Variants in POLA1 observed in about 807,000 individuals in gnomAD.
The protein encoded by POLA1 is DNA polymerase alpha 1, catalytic subunit.
In POLA1, 15 loss-of-function variants were observed where a neutral mutation model predicts 124.0. The ratio of observed to expected loss-of-function variants is 0.12; its 90% CI spans 0.08 to 0.19. POLA1 has a LOEUF of 0.19. POLA1 is among the 10% of genes least tolerant of loss of function. The pLI is 1.00. For synonymous variants in POLA1, 408 were observed against 389.4 expected (o/e 1.05, Z -0.56); for missense variants, 886 against 1,103.4 (o/e 0.80, Z 2.79).
intron 34 of POLA1, among the ~76,000 whole-genome samples, chrX:24,882,684 G>GGTGTGTGTGTGTGT (rs57530564): frequency 5.7e-5 from 5 of 87,610 alleles, no homozygotes; most frequent in East Asian, 3.8e-4. Context: ...TATATTCCAT[G>GGTGTGTGTGTGTGT]GTGTGTGTGT....
chrX:24,708,800 CG>C (rs1446153863), intron 4 of POLA1, among the ~76,000 whole-genome samples: 2 of 65,716 alleles, frequency 3.0e-5, no homozygotes, highest in African/African-American at 1.1e-4. Context: ...TACACAGACA[CG>C]GCAACCATCC....
intron 33 of POLA1, among the ~76,000 whole-genome samples, chrX:24,842,782 C>T (rs1416878215): frequency 4.5e-5 from 5 of 111,425 alleles, no homozygotes; most frequent in South Asian, 3.8e-4. Context: ...AATTGCTTAG[C>T]GTGGCGGGTA....
At chrX:24,963,261 A>C (rs1450705084) in intron 36 of POLA1, among the ~76,000 whole-genome samples, 3 of 112,046 alleles carry the variant, frequency 2.7e-5, no homozygotes, top group Non-Finnish European at 5.6e-5. Context: ...TAATATGCCA[A>C]GAAACTCAAT....
At chrX:24,842,496 A>C (rs1013442903) in intron 33 of POLA1, among the ~76,000 whole-genome samples, 2 of 112,509 alleles carry the variant, frequency 1.8e-5, no homozygotes, top group African/African-American at 6.5e-5. Flanking sequence ...CTTGAAACTG[A>C]AAGAAAAGAC....
intron 32 of POLA1, among the ~76,000 whole-genome samples, chrX:24,837,572 T>G (rs1205978734): frequency 8.9e-6 from 1 of 112,260 alleles, no homozygotes; most frequent in African/African-American, 3.2e-5. Flanking sequence ...TCTGTGGATA[T>G]AGCATTCACC....
At chrX:24,962,998 A>G (rs1195711026) in intron 36 of POLA1, among the ~76,000 whole-genome samples, 1 of 111,712 alleles carries the variant, frequency 9.0e-6, no homozygotes, top group Admixed American at 9.6e-5. Flanking sequence ...CTCTTAGATT[A>G]AATAATAGTA....
chrX:24,753,254 C>T (rs7887549), intron 26 of POLA1, among the ~76,000 whole-genome samples: 4,626 of 110,446 alleles, frequency 0.042, 244 homozygotes, highest in African/African-American at 0.14. Flanking sequence ...TCCTGACCTC[C>T]GGATCCACCT....
intron 35 of POLA1, among the ~76,000 whole-genome samples, chrX:24,894,965 G>A (rs890473347): frequency 2.7e-5 from 3 of 109,646 alleles, no homozygotes; most frequent in Non-Finnish European, 5.7e-5. Flanking sequence ...GTAGAAACTG[G>A]GCTTTGCCAT....
At position 24,984,861 on chromosome X, in the gene POLA1, T is replaced by C. The variant is rs755320182; in HGVS notation, c.4262-10944T>C. Among the ~76,000 whole-genome samples the C allele has an allele frequency of 3.4e-3, 372 of 109,720 alleles. 1 individual carries two copies. Among genetic ancestry groups the C allele is most frequent in the African/African-American group, 0.011 (336 of 30,104 alleles). ...ATTTTTAGTAGAGACGGGGTTTCACTGTGTTAGCCAGGATGGTCTCGATCT... is the reference window on the plus strand; with the variant it reads ...ATTTTTAGTAGAGACGGGGTTTCACCGTGTTAGCCAGGATGGTCTCGATCT... On this transcript the variant is annotated intron_variant, in intron 36 of 36. Transcript: ENST00000379068.
At chrX:24,815,866 A>G (rs189615093) in intron 30 of POLA1, among the ~76,000 whole-genome samples, 6 of 112,036 alleles carry the variant, frequency 5.4e-5, no homozygotes, top group Admixed American at 9.5e-5. Flanking sequence ...AATGCTTGTC[A>G]TTTTTGCACA....
chrX:24,789,408 A>G (rs2045448711), intron 26 of POLA1, among the ~76,000 whole-genome samples: 1 of 112,060 alleles, frequency 8.9e-6, no homozygotes, highest in Non-Finnish European at 1.9e-5. Flanking sequence ...CTCATTGGCA[A>G]TAGCATAAAA....
intron 23 of POLA1, 76 bp from the exon 24 acceptor site, chrX:24,745,342 A>C: frequency 1.4e-6 from 1 of 717,376 alleles, no homozygotes; most frequent in East Asian, 3.2e-5. Flanking sequence ...TAATATACTT[A>C]CAGTGCTTTT....
chrX:24,738,557 T>C (rs1931445200), intron 19 of POLA1, among the ~76,000 whole-genome samples: 1 of 112,076 alleles, frequency 8.9e-6, no homozygotes, highest in South Asian at 3.7e-4. Context: ...CAGTTTTATT[T>C]TATAGACAGT....
At chrX:24,798,331 T>A (rs948861710) in intron 26 of POLA1, among the ~76,000 whole-genome samples, 1 of 110,965 alleles carries the variant, frequency 9.0e-6, no homozygotes, top group African/African-American at 3.3e-5. Context: ...GAGTTTGAAC[T>A]GTGTGAGTCC....
At chrX:24,703,935 G>A (rs1928632318) in intron 3 of POLA1, among the ~76,000 whole-genome samples, 1 of 112,014 alleles carries the variant, frequency 8.9e-6, no homozygotes, top group African/African-American at 3.2e-5. Context: ...TCATGGCCAT[G>A]TGAATGCTGA....
chrX:24,929,058 G>C lies in POLA1; in HGVS notation c.4165-1395G>C, dbSNP rs1413758510. ...AGAAGTATAAAATACACTAAATTTA[G>C]TAACACATTTTATAAGGGAATGAGC... On this transcript the variant is annotated intron_variant, in intron 35 of 36. Transcript: ENST00000379068. 2.7e-5 allele frequency among the ~76,000 whole-genome samples: 3 copies of C among 111,604 alleles called. No homozygotes were observed. The Admixed American group carries it at 2.9e-4, about 11-fold the overall frequency.
intron 26 of POLA1, among the ~76,000 whole-genome samples, chrX:24,779,407 G>T (rs558677552): frequency 9.8e-5 from 11 of 112,346 alleles, no homozygotes; most frequent in African/African-American, 3.6e-4. Flanking sequence ...TGAGGTCCAT[G>T]TGTGAGTTCC....
chrX:24,805,307 T>C (rs2148488419), intron 26 of POLA1, among the ~76,000 whole-genome samples: 1 of 111,636 alleles, frequency 9.0e-6, no homozygotes, highest in East Asian at 2.8e-4. Flanking sequence ...AATATCGGCG[T>C]GAAGGGCTCT....
intron 35 of POLA1, among the ~76,000 whole-genome samples, chrX:24,890,289 T>C (rs1466696082): frequency 3.6e-5 from 4 of 110,684 alleles, no homozygotes; most frequent in Non-Finnish European, 5.7e-5. Flanking sequence ...GGTTTCACCA[T>C]GTTGGCCAGA....
Sources: allele counts gnomAD v4.1 joint callset (sites outside exome capture counted in the v4.1 genomes callset), GRCh38; gene constraint gnomAD v4.1.1; transcripts MANE v1.5; gene names NCBI Gene and HGNC (gene_info 2026-07-23, HGNC 2026-07-21).